Variants in HS3ST5 observed in about 807,000 individuals in gnomAD.
The protein encoded by HS3ST5 is heparan sulfate glucosamine 3-O-sulfotransferase 5.
In HS3ST5, 10 loss-of-function variants were observed where a neutral mutation model predicts 25.4. The observed-to-expected ratio is 0.39, with a 90% CI of 0.24 to 0.67. The LOEUF (loss-of-function observed/expected upper bound fraction) is 0.67. Among genes scored for constraint, HS3ST5 ranks in the 30% least tolerant of loss-of-function variants. The pLI is 0.44. For synonymous variants in HS3ST5, 170 were observed against 162.4 expected, an observed-to-expected ratio of 1.05 and a Z score of -0.36; for missense variants, 324 against 420.7, an observed-to-expected ratio of 0.77 and a Z score of 2.01.
chr6:114,246,718 G>C (rs1008313023), intron 1 of HS3ST5, among the ~76,000 whole-genome samples: 1 of 152,188 alleles, frequency 6.6e-6, no homozygotes, highest in African/African-American at 2.4e-5. Flanking sequence ...TGGCGCGTTT[G>C]TTTAGACCTT....
At chr6:114,190,461 G>A (rs1163914120) in intron 2 of HS3ST5, among the ~76,000 whole-genome samples, 1 of 152,036 alleles carries the variant, frequency 6.6e-6, no homozygotes, top group Non-Finnish European at 1.5e-5. Flanking sequence ...CATGCATTTT[G>A]GCTTTACATG....
chr6:114,318,163 T>C (rs760185088), intron 1 of HS3ST5, among the ~76,000 whole-genome samples: 8 of 152,214 alleles, frequency 5.3e-5, no homozygotes, highest in Non-Finnish European at 1.2e-4. Flanking sequence ...TCCTGGAGAG[T>C]AAACTATATT....
rs1779200577 is a variant in HS3ST5, at chr6:114,166,165, G to C, written c.-33+2186C>G. Among the ~76,000 whole-genome samples the C allele has an allele frequency of 2.0e-5, 3 of 151,438 alleles. No homozygotes were observed. The South Asian group carries it at 6.2e-4, about 32-fold the overall frequency. On this transcript the variant is annotated intron_variant, in intron 3 of 4. Transcript: ENST00000312719. ...TACTCTTGGTCATCTTCACCTAAAG[G>C]TAGTTTCCTTAGGTCTACTGAGAGT...
intron 3 of HS3ST5, among the ~76,000 whole-genome samples, chr6:114,166,834 A>G (rs1260122135): frequency 6.6e-6 from 1 of 152,204 alleles, no homozygotes; most frequent in Non-Finnish European, 1.5e-5. Flanking sequence ...GTCAGACTGA[A>G]AAAAAGTAGT....
chr6:114,291,768 C>T (rs549627243), intron 1 of HS3ST5, among the ~76,000 whole-genome samples: 2 of 152,226 alleles, frequency 1.3e-5, no homozygotes, highest in Admixed American at 1.3e-4. Flanking sequence ...TAAATAAAGG[C>T]AAAAAGAGCT....
At chr6:114,087,812 A>T (rs985816263) in intron 3 of HS3ST5, among the ~76,000 whole-genome samples, 2 of 152,172 alleles carry the variant, frequency 1.3e-5, no homozygotes, top group Non-Finnish European at 2.9e-5. Flanking sequence ...CCTGTGCTAT[A>T]ACATCCTTAC....
rs577840504 is a variant in HS3ST5 at position 114,090,273 on chromosome 6, A to G, written c.-32-27396T>C. 4.0e-4 allele frequency among the ~76,000 whole-genome samples: 61 copies of G among 152,320 alleles called. 2 individuals are homozygous for G. The highest frequency in any genetic ancestry group is 1.4e-3 in the Admixed American group (21 of 15,302). On this transcript the variant is annotated intron_variant, in intron 3 of 4. Transcript: ENST00000312719. ...AGGCAATTTGCTTGTTGTTATTTAG[A>G]TGTGACTGACATAATTTGGCAATCT...
intron 3 of HS3ST5, among the ~76,000 whole-genome samples, chr6:114,125,830 A>G (rs1777011836): frequency 6.6e-6 from 1 of 152,174 alleles, no homozygotes. Context: ...CCCATTTGGC[A>G]TTGTTTGACT....
intron 1 of HS3ST5, among the ~76,000 whole-genome samples, chr6:114,330,936 A>T (rs1776368995): frequency 6.6e-6 from 1 of 152,256 alleles, no homozygotes; most frequent in Non-Finnish European, 1.5e-5. Context: ...TTAGGACTTC[A>T]TAACATTTTT....
At chr6:114,253,964 T>C (rs546543267) in intron 1 of HS3ST5, among the ~76,000 whole-genome samples, 4 of 151,682 alleles carry the variant, frequency 2.6e-5, no homozygotes, top group Non-Finnish European at 5.9e-5. Flanking sequence ...GTGCAATGGG[T>C]AACAGGAAGA....
At chr6:114,339,351 T>C (rs1305440853) in intron 1 of HS3ST5, among the ~76,000 whole-genome samples, 2 of 152,166 alleles carry the variant, frequency 1.3e-5, no homozygotes, top group Non-Finnish European at 2.9e-5. Flanking sequence ...ACCATCCTGC[T>C]AGACATGTCA....
At chr6:114,071,118 G>A (rs561736670) in intron 3 of HS3ST5, among the ~76,000 whole-genome samples, 1 of 152,276 alleles carries the variant, frequency 6.6e-6, no homozygotes, top group South Asian at 2.1e-4. Context: ...AGAACAACTT[G>A]CAGTTCTTTT....
At chr6:114,107,945 T>C (rs1024798247) in intron 3 of HS3ST5, among the ~76,000 whole-genome samples, 1 of 152,216 alleles carries the variant, frequency 6.6e-6, no homozygotes, top group Non-Finnish European at 1.5e-5. Context: ...TTCAGTGTAA[T>C]TCTACTCAAT....
chr6:114,135,972 C>G (rs934188635), intron 3 of HS3ST5, among the ~76,000 whole-genome samples: 1 of 152,210 alleles, frequency 6.6e-6, no homozygotes, highest in African/African-American at 2.4e-5. Flanking sequence ...GAATCCCATA[C>G]CAGGAAGGCA....
At chr6:114,090,449 C>T (rs980183946) in intron 3 of HS3ST5, among the ~76,000 whole-genome samples, 2 of 152,182 alleles carry the variant, frequency 1.3e-5, no homozygotes, top group Admixed American at 6.5e-5. Context: ...TCCCTCCTCC[C>T]TCTTCTCTGT....
At chr6:114,209,676 T>C (rs910546453) in intron 2 of HS3ST5, among the ~76,000 whole-genome samples, 10 of 152,198 alleles carry the variant, frequency 6.6e-5, no homozygotes, top group Admixed American at 3.3e-4. Context: ...ATTATTAATT[T>C]AAGTTGGTTA....
intron 2 of HS3ST5, among the ~76,000 whole-genome samples, chr6:114,203,882 T>C (rs1377259838): frequency 6.6e-6 from 1 of 152,100 alleles, no homozygotes; most frequent in African/African-American, 2.4e-5. Context: ...TGTCTTAGTG[T>C]GATTGGATTT....
intron 1 of HS3ST5, among the ~76,000 whole-genome samples, chr6:114,236,743 T>C (rs1473443741): frequency 1.3e-5 from 2 of 152,230 alleles, no homozygotes; most frequent in African/African-American, 4.8e-5. Context: ...CTTCTGAGCA[T>C]AGGCATGATG....
rs543927134 is a variant in HS3ST5, at chr6:114,261,588, A to G, written c.-338-32810T>C. Among the ~76,000 whole-genome samples the G allele has an allele frequency of 2.0e-5, 3 of 152,362 alleles. No homozygotes were observed. The Middle Eastern group carries it at 0.01, about 518-fold the overall frequency. On this transcript the variant is annotated intron_variant, in intron 1 of 4. Coordinates refer to ENST00000312719, the MANE Select transcript of HS3ST5 (RefSeq NM_153612.4). ...GAGGAGAAGAGAGAAGTAGGGTTTAATAATTTGTATACTACAAACACAGAG... is the reference window on the plus strand; with the variant it reads ...GAGGAGAAGAGAGAAGTAGGGTTTAGTAATTTGTATACTACAAACACAGAG...
Sources: gnomAD v4.1 joint callset for allele counts (sites outside exome capture counted in the v4.1 genomes callset) on GRCh38, gnomAD v4.1.1 for gene constraint, MANE v1.5 for transcripts, NCBI Gene and HGNC (gene_info 2026-07-23, HGNC 2026-07-21) for gene names.